Variants in DGKB observed in about 807,000 individuals in gnomAD.
The protein encoded by DGKB is diacylglycerol kinase beta.
DGKB carries 67 observed loss-of-function variants against 114.3 expected under a neutral mutation model. The ratio of observed to expected loss-of-function variants is 0.59; its 90% CI spans 0.48 to 0.72. The LOEUF (loss-of-function observed/expected upper bound fraction) is 0.72, where lower values mean the gene tolerates loss of function less well. Ranked by LOEUF, DGKB falls within the 30% of genes least tolerant of loss-of-function variation. The probability of loss-of-function intolerance (pLI) is 0.00; values close to 1 mark genes in which losing one functional copy is unlikely to be tolerated. For synonymous variants in DGKB, 398 were observed against 323.1 expected (o/e 1.23, Z -2.49); for missense variants, 907 against 975.2 (o/e 0.93, Z 0.93).
chr7:14,279,106 A>G (rs985157832), intron 23 of DGKB, among the ~76,000 whole-genome samples: 16 of 152,134 alleles, frequency 1.1e-4, no homozygotes, highest in Non-Finnish European at 1.8e-4. Context: ...TTCCTAATCA[A>G]AGAAAGGGGT....
chr7:14,644,742 G>A (rs987822024), intron 13 of DGKB, among the ~76,000 whole-genome samples: 5 of 152,140 alleles, frequency 3.3e-5, no homozygotes, highest in African/African-American at 1.2e-4. Context: ...AATTCTGGGA[G>A]TTCCAAAAAG....
intron 23 of DGKB, among the ~76,000 whole-genome samples, chr7:14,261,260 C>T (rs1258471628): frequency 1.3e-5 from 2 of 150,686 alleles, no homozygotes; most frequent in Non-Finnish European, 1.5e-5. Flanking sequence ...AAAAAAAAGC[C>T]AAACTATAAA....
chr7:14,430,767 G>A (rs1294349714), intron 21 of DGKB, among the ~76,000 whole-genome samples: 1 of 152,228 alleles, frequency 6.6e-6, no homozygotes, highest in Non-Finnish European at 1.5e-5. Flanking sequence ...ACATTTCTGA[G>A]TAATTTCATT....
intron 23 of DGKB, among the ~76,000 whole-genome samples, chr7:14,254,597 A>AT (rs1795697812): frequency 6.7e-6 from 1 of 149,124 alleles, no homozygotes; most frequent in African/African-American, 2.5e-5. Context: ...CTGTTGTAAT[A>AT]TATATTGGAA....
chr7:14,813,610 C>A (rs963513439), intron 2 of DGKB, among the ~76,000 whole-genome samples: 3 of 152,072 alleles, frequency 2.0e-5, no homozygotes, highest in African/African-American at 7.2e-5. Flanking sequence ...TTATTTTTAA[C>A]TCAAAATTAA....
chr7:14,882,336 T>G (rs1174377584), intron 1 of DGKB, among the ~76,000 whole-genome samples: 3 of 152,068 alleles, frequency 2.0e-5, no homozygotes. Flanking sequence ...ATATCTTCTT[T>G]GCTCACAATA....
At chr7:14,553,865 CTTTTTT>C (rs58879064) in intron 20 of DGKB, among the ~76,000 whole-genome samples, 1,425 of 71,032 alleles carry the variant, frequency 0.02, 5 homozygotes, top group Middle Eastern at 0.036. Context: ...CCTTTACATG[CTTTTTT>C]TTTTTTTTTT....
chr7:14,554,312 G>A (rs1795561752), intron 20 of DGKB, among the ~76,000 whole-genome samples: 1 of 152,140 alleles, frequency 6.6e-6, no homozygotes, highest in African/African-American at 2.4e-5. Context: ...GATAGTTTCT[G>A]TATTGTCTTC....
intron 1 of DGKB, among the ~76,000 whole-genome samples, chr7:14,965,011 G>A (rs1456532078): frequency 3.3e-5 from 5 of 152,132 alleles, no homozygotes; most frequent in Non-Finnish European, 1.5e-5. Context: ...AGCAGAGGTA[G>A]AGGGAATGGA....
intron 15 of DGKB, among the ~76,000 whole-genome samples, 198 bp from the exon 16 acceptor site, chr7:14,613,611 ACCT>A (rs1022698079): frequency 8.0e-5 from 12 of 150,422 alleles, no homozygotes; most frequent in East Asian, 3.9e-4. Context: ...CAACAGGAAA[ACCT>A]CCTCCACAAA....
At chr7:14,210,562 A>G (rs1486209795) in intron 23 of DGKB, among the ~76,000 whole-genome samples, 2 of 152,092 alleles carry the variant, frequency 1.3e-5, no homozygotes, top group African/African-American at 4.8e-5. Context: ...GGCTCAATCC[A>G]AAGTCTCAAC....
intron 1 of DGKB, among the ~76,000 whole-genome samples, chr7:14,966,512 G>A (rs1787160354): frequency 1.3e-5 from 2 of 151,640 alleles, no homozygotes; most frequent in South Asian, 4.2e-4. Flanking sequence ...TGTCGCCCAG[G>A]CTGCTGGTCT....
rs113482832 is a variant in DGKB at position 14,176,569 on chromosome 7, A to C, written c.2304+270T>G. ...TATTTTGTTTAGCTCCATAGTTTAT[A>C]ATTGATCTATGGTTTATAATTGATC... On this transcript the variant is annotated intron_variant, in intron 25 of 25. Coordinates refer to ENST00000402815, the MANE Select transcript of DGKB (RefSeq NM_001350709.2). 82 of 1,124,204 alleles carry C rather than the reference A, an allele frequency of 7.3e-5. 1 individual carries two copies. The Middle Eastern group carries it at 1.1e-3, about 15-fold the overall frequency. 69.6% of individuals were successfully genotyped at this position (1,124,204 alleles called of 1,614,324 possible).
chr7:14,960,529 T>C (rs1449165291), intron 1 of DGKB, among the ~76,000 whole-genome samples: 1 of 152,026 alleles, frequency 6.6e-6, no homozygotes, highest in African/African-American at 2.4e-5. Context: ...AAAGAAATAG[T>C]GCTGTGGTAA....
rs1241092183 is a variant in DGKB, at chr7:14,704,361, T to C, written c.467-2631A>G. Among the ~76,000 whole-genome samples, 3 of 136,434 alleles carry C rather than the reference T, an allele frequency of 2.2e-5. No individual in the cohort carries two copies. In the Admixed American group the frequency reaches 2.4e-4, roughly 11 times the overall value. The allele number at this position is 136,434 out of a possible 152,430, so 89.5% of individuals were successfully genotyped here. The stretch of plus-strand genomic sequence containing the variant: ...TACGCGGGAGGCTGAGGCAGGAGAA[T>C]GGCGCGAACCAGGGAGGCGGAGCTT... On this transcript the variant is annotated intron_variant, in intron 6 of 25. Coordinates refer to ENST00000402815, the MANE Select transcript of DGKB (RefSeq NM_001350709.2).
At chr7:14,384,099 T>C (rs1819931156) in intron 21 of DGKB, among the ~76,000 whole-genome samples, 1 of 152,204 alleles carries the variant, frequency 6.6e-6, no homozygotes, top group African/African-American at 2.4e-5. Context: ...AGGTGCATGA[T>C]ACCAAAATGT....
At chr7:14,833,268 T>C (rs972320204) in intron 2 of DGKB, among the ~76,000 whole-genome samples, 2 of 152,174 alleles carry the variant, frequency 1.3e-5, no homozygotes, top group East Asian at 3.9e-4. Flanking sequence ...TATTTACTTC[T>C]TTCTGAAATT....
chr7:14,744,225 T>G (rs376100279), intron 4 of DGKB, among the ~76,000 whole-genome samples: 2 of 152,186 alleles, frequency 1.3e-5, no homozygotes, highest in East Asian at 1.9e-4. Flanking sequence ...AAACTATCTG[T>G]GAGTATTCTT....
intron 21 of DGKB, among the ~76,000 whole-genome samples, chr7:14,402,299 A>G (rs1283982993): frequency 6.6e-6 from 1 of 151,856 alleles, no homozygotes; most frequent in East Asian, 1.9e-4. Flanking sequence ...GCAATTTCAA[A>G]TTCACAGAAT....
Sources: gnomAD v4.1 joint callset for allele counts (sites outside exome capture counted in the v4.1 genomes callset) on GRCh38, gnomAD v4.1.1 for gene constraint, MANE v1.5 for transcripts, NCBI Gene and HGNC (gene_info 2026-07-23, HGNC 2026-07-21) for gene names.